ETV6: variants seen among roughly 807,000 people sequenced by gnomAD.
The protein encoded by ETV6 is transcription factor ETV6.
A neutral mutation model predicts 51.1 loss-of-function variants in ETV6; 16 were observed. That is an observed-to-expected ratio of 0.31 (90% CI 0.21 to 0.48). The LOEUF (loss-of-function observed/expected upper bound fraction) is 0.48. Among genes scored for constraint, ETV6 ranks in the 20% least tolerant of loss-of-function variants. The pLI, the probability that ETV6 is intolerant of heterozygous loss-of-function variation, is 0.99. For missense variants in ETV6, 458 were observed against 594.8 expected (o/e 0.77, Z 2.39); for synonymous variants, 240 against 224.1 (o/e 1.07, Z -0.64).
chr12:11,654,053 A>T (rs1450896602), intron 1 of ETV6, among the ~76,000 whole-genome samples: 1 of 152,128 alleles, frequency 6.6e-6, no homozygotes, highest in Non-Finnish European at 1.5e-5. Flanking sequence ...ACCTCAAGTG[A>T]TCTGCCCGCC....
rs549508105 is a variant in ETV6, at chr12:11,691,863, G to C, written c.33+41703G>C. Among the ~76,000 whole-genome samples the C allele has an allele frequency of 9.2e-5, 14 of 152,310 alleles. No individual in the cohort carries two copies. In the South Asian group the frequency reaches 2.7e-3, roughly 29 times the overall value. ...GTGCAAAAGAGAGTCCTTTGTGTTCGTGACTCCATTATTTTGAAACCAGCA... is the reference window on the plus strand; with the variant it reads ...GTGCAAAAGAGAGTCCTTTGTGTTCCTGACTCCATTATTTTGAAACCAGCA... On this transcript the variant is annotated intron_variant, in intron 1 of 7. Transcript: ENST00000396373.
chr12:11,723,178 T>G (rs1419207943), intron 1 of ETV6, among the ~76,000 whole-genome samples: 1 of 152,240 alleles, frequency 6.6e-6, no homozygotes, highest in Non-Finnish European at 1.5e-5. Context: ...ATTGTGAGTA[T>G]TAAATGAATT....
At position 11,869,256 on chromosome 12, in the gene ETV6, T is replaced by A. The variant is rs913679305; in HGVS notation, c.464-168T>A. On this transcript the variant is annotated intron_variant, in intron 4 of 7. Transcript: ENST00000396373. The surrounding 1 kb of genome is among the most constrained non-coding windows in gnomAD (Gnocchi z 5.0). Reference sequence around the variant, plus strand: ...ATCTCAAACAGAAAAAAAAAAAAAATATGCACCCTTCAAATTGTTAAGCAG... The same window carrying A: ...ATCTCAAACAGAAAAAAAAAAAAAAAATGCACCCTTCAAATTGTTAAGCAG... Among the ~76,000 whole-genome samples the A allele has an allele frequency of 2.9e-4, 39 of 136,440 alleles. No individual in the cohort carries two copies. The highest frequency in any genetic ancestry group is 3.8e-3 in the Middle Eastern group (1 of 266). The allele number at this position is 136,440 out of a possible 152,430, so 89.5% of individuals were successfully genotyped here. A position where few individuals can be genotyped will look rare whatever the true frequency, so the allele number is the denominator to read the frequency against.
intron 2 of ETV6, among the ~76,000 whole-genome samples, chr12:11,755,832 A>C (rs906941591): frequency 2.6e-5 from 4 of 152,110 alleles, no homozygotes; most frequent in African/African-American, 9.7e-5. Flanking sequence ...TTTTAAAGAG[A>C]TACTCATCAG....
intron 1 of ETV6, among the ~76,000 whole-genome samples, chr12:11,686,461 C>T (rs984265887): frequency 3.3e-5 from 5 of 152,206 alleles, no homozygotes; most frequent in Non-Finnish European, 1.5e-5. Flanking sequence ...TTTTGCACAC[C>T]TTGATTGTCA....
At chr12:11,674,601 A>G (rs75590804) in intron 1 of ETV6, among the ~76,000 whole-genome samples, 4,493 of 141,094 alleles carry the variant, frequency 0.032, 252 homozygotes, top group African/African-American at 0.11. Context: ...CATAGGGGTT[A>G]ATGTAGGGGT....
At chr12:11,855,277 G>A (rs1180299031) in intron 4 of ETV6, among the ~76,000 whole-genome samples, 1 of 152,156 alleles carries the variant, frequency 6.6e-6, no homozygotes, top group Admixed American at 6.5e-5. Flanking sequence ...CTGCACTCCA[G>A]CCTGGGCGAC....
Position 11,842,863 on chromosome 12 carries a change from G to T in ETV6, c.328+3559G>T, listed in dbSNP as rs891053249. ...CAAAATAATACTCAGGCACAAAGTG[G>T]CTAGCTAAGATGGGGAGCTGACTTG... On this transcript the variant is annotated intron_variant, in intron 3 of 7. Coordinates refer to ENST00000396373, the MANE Select transcript of ETV6 (RefSeq NM_001987.5). Among the ~76,000 whole-genome samples, 21 of 152,226 alleles carry T rather than the reference G, an allele frequency of 1.4e-4. 1 individual carries two copies. The highest frequency in any genetic ancestry group is 4.8e-4 in the African/African-American group (20 of 41,494).
At chr12:11,708,023 T>G (rs1865104732) in intron 1 of ETV6, among the ~76,000 whole-genome samples, 1 of 152,230 alleles carries the variant, frequency 6.6e-6, no homozygotes, top group African/African-American at 2.4e-5. Context: ...TTTCTCAGCC[T>G]GATTTTAAGT....
chr12:11,825,724 A>C (rs1018774971), intron 2 of ETV6: 1 of 152,196 alleles, frequency 6.6e-6, no homozygotes, highest in Non-Finnish European at 1.5e-5. Flanking sequence ...GTAAGTGACA[A>C]AAACAGGATT....
chr12:11,852,388 A>C (rs1946570111), intron 3 of ETV6, among the ~76,000 whole-genome samples: 1 of 152,218 alleles, frequency 6.6e-6, no homozygotes, highest in South Asian at 2.1e-4. Flanking sequence ...AAAGGAGGGA[A>C]GCATCCCAGA....
At chr12:11,731,459 A>G (rs935526516) in intron 1 of ETV6, among the ~76,000 whole-genome samples, 2 of 152,212 alleles carry the variant, frequency 1.3e-5, no homozygotes, top group Non-Finnish European at 2.9e-5. Flanking sequence ...ATTTATATAT[A>G]AAAGCAAGAG....
intron 2 of ETV6, among the ~76,000 whole-genome samples, chr12:11,795,094 T>C (rs2136393401): frequency 6.6e-6 from 1 of 152,366 alleles, no homozygotes; most frequent in South Asian, 2.1e-4. Context: ...CATATGTGCA[T>C]ATTTGCTTTT....
chr12:11,681,017 G>A (rs188101953), intron 1 of ETV6, among the ~76,000 whole-genome samples: 16 of 152,278 alleles, frequency 1.1e-4, no homozygotes, highest in African/African-American at 3.4e-4. Flanking sequence ...AAGCCTGGTC[G>A]ACATTTTCTG....
At chr12:11,833,438 A>G (rs1591707046) in intron 2 of ETV6, among the ~76,000 whole-genome samples, 2 of 152,352 alleles carry the variant, frequency 1.3e-5, no homozygotes, top group Admixed American at 1.3e-4. Context: ...GCTTGTGCTC[A>G]GTGCCTGCAT....
intron 5 of ETV6, among the ~76,000 whole-genome samples, chr12:11,877,884 T>C (rs912750402): frequency 2.0e-5 from 3 of 152,190 alleles, no homozygotes; most frequent in African/African-American, 7.2e-5. Flanking sequence ...AGAAAGTTAA[T>C]TGCTACGTGT....
At position 11,831,530 on chromosome 12, in the gene ETV6, A is replaced by G. The variant is rs186290835; in HGVS notation, c.164-7610A>G. On this transcript the variant is annotated intron_variant, in intron 2 of 7. Transcript: ENST00000396373. ...GTGAGCCACCACACCCAGCCCTTAA[A>G]TAGTTTTTTAAATATAAAAGTAAAA... Among the ~76,000 whole-genome samples, 18 of 152,338 alleles carry G rather than the reference A, an allele frequency of 1.2e-4. No homozygotes were observed. The East Asian group carries it at 1.9e-3, about 16-fold the overall frequency.
intron 1 of ETV6, among the ~76,000 whole-genome samples, chr12:11,745,459 T>C (rs76016173): frequency 0.019 from 2,928 of 152,350 alleles, 98 homozygotes; most frequent in African/African-American, 0.066. Flanking sequence ...GAGTCTCTCT[T>C]AGACTTGTCC....
At chr12:11,775,386 C>T (rs766578644) in intron 2 of ETV6, among the ~76,000 whole-genome samples, 3 of 152,208 alleles carry the variant, frequency 2.0e-5, no homozygotes, top group Non-Finnish European at 2.9e-5. Context: ...TATTTAGTGG[C>T]AGGCCTTGTG....
Sources: allele counts gnomAD v4.1 joint callset (sites outside exome capture counted in the v4.1 genomes callset), GRCh38; gene constraint gnomAD v4.1.1; non-coding constraint Gnocchi (gnomAD v3.1); transcripts MANE v1.5; gene names NCBI Gene and HGNC (gene_info 2026-07-23, HGNC 2026-07-21).